SLC17A8: variants seen among roughly 807,000 people sequenced by gnomAD.
SLC17A8 encodes solute carrier family 17 member 8.
SLC17A8 carries 31 observed loss-of-function variants against 58.0 expected under a neutral mutation model. The ratio of observed to expected loss-of-function variants is 0.53; its 90% CI spans 0.40 to 0.72. SLC17A8 has a LOEUF of 0.72. Ranked by LOEUF, SLC17A8 falls within the 30% of genes least tolerant of loss-of-function variation. The pLI, the probability that SLC17A8 is intolerant of heterozygous loss-of-function variation, is 0.00. For synonymous variants in SLC17A8, 228 were observed against 249.0 expected (o/e 0.92, Z 0.79); for missense variants, 655 against 727.8 (o/e 0.90, Z 1.15).
intron 2 of SLC17A8, among the ~76,000 whole-genome samples, chr12:100,389,804 G>T (rs368945584): frequency 2.1e-5 from 3 of 142,418 alleles, no homozygotes; most frequent in Middle Eastern, 3.6e-3. Context: ...GGCTAGATTT[G>T]TATTATTATT....
Position 100,421,287 on chromosome 12 carries a change from T to C in SLC17A8, c.*1128T>C, listed in dbSNP as rs1952946444. The C allele has an allele frequency of 6.6e-6, 1 of 152,162 alleles. No homozygotes were observed. Among genetic ancestry groups the C allele is most frequent in the Non-Finnish European group, 1.5e-5 (1 of 68,024 alleles). 9.4% of individuals were successfully genotyped at this position (152,162 alleles called of 1,614,324 possible). A position where few individuals can be genotyped will look rare whatever the true frequency, so the allele number is the denominator to read the frequency against. Reference sequence around the variant, plus strand: ...CTTTAGCCTTTTCTGCTGGAGATTATATTAGGAAGTTTCATCAGATTGTAT... The same window carrying C: ...CTTTAGCCTTTTCTGCTGGAGATTACATTAGGAAGTTTCATCAGATTGTAT... On this transcript the variant is annotated 3_prime_UTR_variant, in exon 12 of 12. Transcript: ENST00000323346.
At chr12:100,398,714 T>G (rs2136001799) in intron 5 of SLC17A8, among the ~76,000 whole-genome samples, 1 of 152,218 alleles carries the variant, frequency 6.6e-6, no homozygotes, top group South Asian at 2.1e-4. Context: ...AGTGATATGG[T>G]TTGGCTCTGT....
At chr12:100,417,381 T>A (rs1017538978) in intron 10 of SLC17A8, among the ~76,000 whole-genome samples, 1 of 152,208 alleles carries the variant, frequency 6.6e-6, no homozygotes. Context: ...AATAGTAATA[T>A]TATCCTCATA....
At chr12:100,378,622 G>A (rs558931175) in intron 1 of SLC17A8, among the ~76,000 whole-genome samples, 62 of 152,146 alleles carry the variant, frequency 4.1e-4, no homozygotes, top group Middle Eastern at 6.8e-3. Flanking sequence ...TGAATGAAGC[G>A]TGGGGGTGGG....
chr12:100,372,702 G>A (rs1177006757), intron 1 of SLC17A8, among the ~76,000 whole-genome samples: 3 of 152,154 alleles, frequency 2.0e-5, no homozygotes. Flanking sequence ...AATACAGTGA[G>A]CAAGTAAATT....
chr12:100,386,971 G>A (rs1952679877), intron 2 of SLC17A8, among the ~76,000 whole-genome samples: 1 of 152,190 alleles, frequency 6.6e-6, no homozygotes, highest in Non-Finnish European at 1.5e-5. Flanking sequence ...TTACAGGCAT[G>A]AGCCACTGCG....
chr12:100,384,336 A>T (rs1952658244), intron 2 of SLC17A8, among the ~76,000 whole-genome samples: 1 of 152,188 alleles, frequency 6.6e-6, no homozygotes, highest in Non-Finnish European at 1.5e-5. Flanking sequence ...ATGGTGGCTC[A>T]TGCCTGTAAT....
intron 10 of SLC17A8, among the ~76,000 whole-genome samples, chr12:100,413,552 CA>C (rs1952885526): frequency 6.6e-6 from 1 of 152,162 alleles, no homozygotes; most frequent in South Asian, 2.1e-4. Context: ...CCCCATTTTA[CA>C]GGAGCAGAAA....
intron 1 of SLC17A8, 127 bp from the exon 2 acceptor site, chr12:100,380,574 T>C: frequency 1.2e-6 from 1 of 811,338 alleles, no homozygotes; most frequent in Non-Finnish European, 2.0e-6. Context: ...AATACCTCCA[T>C]AGTATTCTAC....
rs1388358765 is a variant in SLC17A8, at chr12:100,393,420, C to CT, written c.526dup (p.Ser176PhefsTer34). On this transcript the variant is annotated frameshift_variant, in exon 4 of 12. Transcript: ENST00000323346. LOFTEE classifies it high-confidence loss of function. ...CATCGACTCTGAACATGTTTATTCC[C>CT]TCTGCAGCCAGAGTGCATTACGGAT... 1 of 1,613,908 alleles carries CT rather than the reference C, an allele frequency of 6.2e-7. No individual in the cohort carries two copies. Among genetic ancestry groups the CT allele is most frequent in the Middle Eastern group, 1.7e-4 (1 of 6,056 alleles).
intron 5 of SLC17A8, among the ~76,000 whole-genome samples, chr12:100,400,569 G>C (rs1052975457): frequency 6.6e-6 from 1 of 152,104 alleles, no homozygotes; most frequent in Non-Finnish European, 1.5e-5. Context: ...GCTCACCTTG[G>C]AAAGATGTGA....
chr12:100,369,135 G>T (rs528161644), intron 1 of SLC17A8, among the ~76,000 whole-genome samples: 3 of 152,162 alleles, frequency 2.0e-5, no homozygotes, highest in Non-Finnish European at 4.4e-5. Context: ...AATTAGCCAG[G>T]CATGGTGGTA....
In SLC17A8 at chr12:100,419,997, T is replaced by G; in HGVS notation, c.1608T>G (p.His536Gln). ...DELAEEIELN[H>Q]ESFASPKKKM... ...TAGCTGAGGAGATAGAACTCAACCA[T>G]GAGAGTTTTGCGAGTCCCAAAAAGA... The change falls in exon 12 of 12, where the codon CAT becomes CAG. Residue 536 changes from histidine to glutamine, a missense_variant. Transcript: ENST00000323346. 6.2e-7 allele frequency: 1 copy of G among 1,613,980 alleles called. No homozygotes were observed.
rs916528446 is a variant in SLC17A8 at position 100,397,858 on chromosome 12, G to A, written c.676+1441G>A. Among the ~76,000 whole-genome samples the A allele has an allele frequency of 3.3e-5, 5 of 151,786 alleles. No homozygotes were observed. In the East Asian group the frequency reaches 5.9e-4, roughly 18 times the overall value. Reference sequence around the variant, plus strand: ...CTCAGGAGGCCAAGGTGGGAGGATCGCTTGAGCCCGGAGGTGGAGGTTGCA... The same window carrying A: ...CTCAGGAGGCCAAGGTGGGAGGATCACTTGAGCCCGGAGGTGGAGGTTGCA... On this transcript the variant is annotated intron_variant, in intron 5 of 11. Transcript: ENST00000323346.
chr12:100,372,928 T>C (rs1223738322), intron 1 of SLC17A8, among the ~76,000 whole-genome samples: 1 of 152,214 alleles, frequency 6.6e-6, no homozygotes, highest in East Asian at 1.9e-4. Flanking sequence ...GCTCCAAATG[T>C]TGATCTTATT....
rs1952952615 is a variant in SLC17A8, at chr12:100,421,855, T to G, written c.*1696T>G. 6.6e-6 allele frequency: 1 copy of G among 152,064 alleles called. No individual in the cohort carries two copies. The highest frequency in any genetic ancestry group is 2.1e-4 in the South Asian group (1 of 4,828). 9.4% of individuals were successfully genotyped at this position (152,064 alleles called of 1,614,324 possible). On this transcript the variant is annotated 3_prime_UTR_variant, in exon 12 of 12. Transcript: ENST00000323346. ...TCTTTAAATCTCTTTAATGAGTGAATCCATGCAAGCCCCATAAAACAGTTC... is the reference window on the plus strand; with the variant it reads ...TCTTTAAATCTCTTTAATGAGTGAAGCCATGCAAGCCCCATAAAACAGTTC...
At chr12:100,380,096 G>A (rs1952622892) in intron 1 of SLC17A8, among the ~76,000 whole-genome samples, 1 of 151,754 alleles carries the variant, frequency 6.6e-6, no homozygotes, top group South Asian at 2.1e-4. Flanking sequence ...CTACTCAGGA[G>A]GCTGATGTGA....
At chr12:100,385,156 A>G (rs925618544) in intron 2 of SLC17A8, among the ~76,000 whole-genome samples, 8 of 147,658 alleles carry the variant, frequency 5.4e-5, no homozygotes, top group East Asian at 2.0e-4. Context: ...GAGAGAGAGA[A>G]AGAGAAAGAG....
At chr12:100,392,049 G>A (rs1481231416) in intron 3 of SLC17A8, among the ~76,000 whole-genome samples, 1 of 152,138 alleles carries the variant, frequency 6.6e-6, no homozygotes, top group South Asian at 2.1e-4. Context: ...TTCAAGCAGA[G>A]GAGGATGGCC....
Sources: allele counts gnomAD v4.1 joint callset (sites outside exome capture counted in the v4.1 genomes callset), GRCh38; gene constraint gnomAD v4.1.1; transcripts MANE v1.5; gene names NCBI Gene and HGNC (gene_info 2026-07-23, HGNC 2026-07-21).